CIT: variants seen among roughly 807,000 people sequenced by gnomAD.
CIT encodes the protein citron Rho-interacting kinase.
In CIT, 79 loss-of-function variants were observed where a neutral mutation model predicts 272.7. The ratio of observed to expected loss-of-function variants is 0.29; its 90% confidence interval spans 0.24 to 0.35. The LOEUF is 0.35. Among genes scored for constraint, CIT ranks in the 10% least tolerant of loss-of-function variants. The probability of loss-of-function intolerance (pLI) is 1.00; values close to 1 mark genes in which losing one functional copy is unlikely to be tolerated. For synonymous variants in CIT, 948 were observed against 995.6 expected (o/e 0.95, Z 0.90); for missense variants, 1,909 against 2,618.3 (o/e 0.73, Z 5.91).
rs1308235105 is a variant in CIT at position 119,770,649 on chromosome 12, G to A, written c.2208+136C>T. On this transcript the variant is annotated intron_variant, in intron 18 of 47. Coordinates refer to ENST00000392521, the MANE Select transcript of CIT (RefSeq NM_001206999.2). This position sits in a 1 kb window ranked among gnomAD's most constrained non-coding sequence, Gnocchi z 4.4. ...CATACTACTCTACGATGTGGCATAT[G>A]CTGAAACCACCTCACTCAATTCATC... 13 of 971,852 alleles carry A rather than the reference G, an allele frequency of 1.3e-5. No individual in the cohort carries two copies. The highest frequency in any genetic ancestry group is 2.0e-5 in the Non-Finnish European group (13 of 638,838). The allele number at this position is 971,852 out of a possible 1,614,324, so 60.2% of individuals were successfully genotyped here.
chr12:119,796,971 T>C (rs558446067), intron 10 of CIT, among the ~76,000 whole-genome samples: 109 of 152,282 alleles, frequency 7.2e-4, no homozygotes, highest in African/African-American at 2.5e-3. Context: ...CATTTCAGTA[T>C]TGTTGAAGAG....
At chr12:119,863,201 C>CAAAAAAA (rs751421292) in intron 3 of CIT, among the ~76,000 whole-genome samples, 4 of 40,520 alleles carry the variant, frequency 9.9e-5, no homozygotes, top group Middle Eastern at 0.016. Context: ...GACTCTGTAT[C>CAAAAAAA]AAAAAAAAAA....
chr12:119,869,487 G>A (rs1045933834), intron 2 of CIT, among the ~76,000 whole-genome samples: 2 of 152,226 alleles, frequency 1.3e-5, no homozygotes, highest in Non-Finnish European at 2.9e-5. Context: ...AGGGTCTGAG[G>A]CTAGTGAGAA....
chr12:119,799,904 T>C (rs1320239082), intron 10 of CIT, among the ~76,000 whole-genome samples: 2 of 151,880 alleles, frequency 1.3e-5, no homozygotes, highest in Non-Finnish European at 2.9e-5. Flanking sequence ...AAGACAATTC[T>C]TCTTCTTCCC....
At position 119,718,568 on chromosome 12, in the gene CIT, G is replaced by A. The variant is rs1957665772; in HGVS notation, c.4003+131C>T. ...CAGGGGCCATACGTTTTTCAGACAT[G>A]GGATGTCTGGTCTGAAAGCGTATGG... On this transcript the variant is annotated intron_variant, in intron 31 of 47. Coordinates refer to ENST00000392521, the MANE Select transcript of CIT (RefSeq NM_001206999.2). This position sits in a 1 kb window ranked among gnomAD's most constrained non-coding sequence, Gnocchi z 4.8. 1.4e-6 allele frequency: 2 copies of A among 1,397,400 alleles called. No individual in the cohort carries two copies. Among genetic ancestry groups the A allele is most frequent in the African/African-American group, 1.4e-5 (1 of 69,822 alleles). The allele number at this position is 1,397,400 out of a possible 1,614,324, so 86.6% of individuals were successfully genotyped here. A position where few individuals can be genotyped will look rare whatever the true frequency, so the allele number is the denominator to read the frequency against.
chr12:119,704,507 G>C (rs1277362170), intron 40 of CIT, 52 bp from the exon 41 acceptor site: 8 of 1,523,878 alleles, frequency 5.2e-6, no homozygotes, highest in Non-Finnish European at 7.3e-6. Flanking sequence ...GATACCGGCT[G>C]TGGGGCAAAA....
At chr12:119,767,007 G>T in intron 19 of CIT, 80 bp downstream of exon 19, 1 of 983,694 alleles carries the variant, frequency 1.0e-6, no homozygotes, top group African/African-American at 1.6e-5. Context: ...AGCAAGAAAT[G>T]GCCACAAGGG....
chr12:119,823,703 T>C (rs994693619), intron 8 of CIT, among the ~76,000 whole-genome samples: 2 of 152,176 alleles, frequency 1.3e-5, no homozygotes, highest in African/African-American at 4.8e-5. Flanking sequence ...CCTTTTCCTT[T>C]TGGTTGAAAC....
At chr12:119,845,561 A>G (rs996384472) in intron 5 of CIT, among the ~76,000 whole-genome samples, 3 of 149,830 alleles carry the variant, frequency 2.0e-5, no homozygotes, top group Non-Finnish European at 4.5e-5. Flanking sequence ...GCTGAGGCAG[A>G]AGAATTGCTT....
rs1378020569 is a variant in CIT, at chr12:119,687,773, C to T, written c.*459G>A. 1 of 118,910 alleles carries T rather than the reference C, an allele frequency of 8.4e-6. No homozygotes were observed. The highest frequency in any genetic ancestry group is 1.6e-5 in the Non-Finnish European group (1 of 64,114). The allele number at this position is 118,910 out of a possible 1,614,324, so 7.4% of individuals were successfully genotyped here. A position where few individuals can be genotyped will look rare whatever the true frequency, so the allele number is the denominator to read the frequency against. ...ACAGGAAATACGTCGCTATTCAAAT[C>T]TATTAAGAATTCTGTTGTCTTAAAA... On this transcript the variant is annotated 3_prime_UTR_variant, in exon 48 of 48. Transcript: ENST00000392521.
intron 10 of CIT, among the ~76,000 whole-genome samples, chr12:119,800,671 T>C (rs140794555): frequency 3.9e-5 from 6 of 152,172 alleles, no homozygotes; most frequent in African/African-American, 1.4e-4. Flanking sequence ...TGTGTGTAAA[T>C]AAAAACCTGT....
intron 3 of CIT, 137 bp from the exon 4 acceptor site, chr12:119,857,835 A>G: frequency 5.2e-6 from 4 of 776,570 alleles, no homozygotes; most frequent in Non-Finnish European, 8.0e-6. Context: ...CTCATCCATC[A>G]TGAATAATTA....
chr12:119,778,959 G>A (rs1222791106), intron 13 of CIT, among the ~76,000 whole-genome samples: 1 of 152,156 alleles, frequency 6.6e-6, no homozygotes, highest in African/African-American at 2.4e-5. Context: ...GGTGGTTCAC[G>A]CCTGTAATCC....
chr12:119,770,901 G>T lies in CIT; in HGVS notation c.2092C>A (p.His698Asn), dbSNP rs777432217. The change falls in exon 18 of 48, where the codon CAT (histidine) becomes AAT (asparagine). Residue 698 changes from histidine (H) to asparagine (N), a missense_variant. His to Asn is a moderately conservative substitution (Grantham distance 68, BLOSUM62 1). Around this residue, in one of 8 missense-constraint regions of CIT, gnomAD observed 530 missense variants for 822.4 expected, o/e 0.64. Coordinates refer to ENST00000392521, the MANE Select transcript of CIT (RefSeq NM_001206999.2). This position sits in a 1 kb window ranked among gnomAD's most constrained non-coding sequence, Gnocchi z 4.4. ...CTCTTTACCTTGTTCTCCAGAGAAT[G>T]GCGGCGTTCCTGTAGATCATGAATC... is the stretch of plus-strand genomic sequence containing the variant. Reference protein sequence around the residue: ...KKLVEAEERRHSLENKVKRLE... With the variant: ...KKLVEAEERRNSLENKVKRLE... The T allele has an allele frequency of 1.2e-6, 2 of 1,612,794 alleles. No individual in the cohort carries two copies. Among genetic ancestry groups the T allele is most frequent in the South Asian group, 2.2e-5 (2 of 91,060 alleles).
intron 10 of CIT, among the ~76,000 whole-genome samples, 166 bp downstream of exon 10, chr12:119,803,040 A>AC (rs1167776312): frequency 6.6e-6 from 1 of 151,942 alleles, no homozygotes; most frequent in African/African-American, 2.4e-5. Context: ...TTAACAGGCT[A>AC]CCCCCGCAAA....
rs1257391909 is a variant in CIT at position 119,686,953 on chromosome 12, T to A, written c.*1279A>T. Reference sequence around the variant, plus strand: ...AAAGGCTCATTTGGAAAGTCACAGTTTCGTGGGGTAGAACCGCGCTGGATT... The same window carrying A: ...AAAGGCTCATTTGGAAAGTCACAGTATCGTGGGGTAGAACCGCGCTGGATT... On this transcript the variant is annotated 3_prime_UTR_variant, in exon 48 of 48. Coordinates refer to ENST00000392521, the MANE Select transcript of CIT (RefSeq NM_001206999.2). 1 of 152,642 alleles carries A rather than the reference T, an allele frequency of 6.6e-6. No individual in the cohort carries two copies. Among genetic ancestry groups the A allele is most frequent in the East Asian group, 1.9e-4 (1 of 5,188 alleles). The allele number at this position is 152,642 out of a possible 1,614,324, so 9.5% of individuals were successfully genotyped here. A position where few individuals can be genotyped will look rare whatever the true frequency, so the allele number is the denominator to read the frequency against.
At chr12:119,736,397 AT>A (rs1303407054) in intron 24 of CIT, among the ~76,000 whole-genome samples, 6 of 152,210 alleles carry the variant, frequency 3.9e-5, no homozygotes, top group Admixed American at 6.5e-5. Context: ...TTAAAAAAAA[AT>A]CTTCCCAGGC....
intron 3 of CIT, among the ~76,000 whole-genome samples, chr12:119,867,457 G>T (rs1290794747): frequency 6.6e-6 from 1 of 152,144 alleles, no homozygotes; most frequent in South Asian, 2.1e-4. Context: ...CAAAGCGCTG[G>T]GCTTACACGC....
intron 18 of CIT, 60 bp from the exon 19 acceptor site, chr12:119,767,242 T>A: frequency 7.8e-7 from 1 of 1,277,754 alleles, no homozygotes; most frequent in South Asian, 1.4e-5. Flanking sequence ...CAATGCACGT[T>A]AGACATTCAC....
Sources: gnomAD v4.1 joint callset for allele counts (sites outside exome capture counted in the v4.1 genomes callset) on GRCh38, gnomAD v4.1.1 for gene constraint, gnomAD v4.1.1 regional missense constraint, Gnocchi (gnomAD v3.1) non-coding constraint, MANE v1.5 for transcripts, NCBI Gene and HGNC (gene_info 2026-07-23, HGNC 2026-07-21) for gene names.